MPPED2: variants seen among roughly 807,000 people sequenced by gnomAD.
MPPED2 encodes metallophosphoesterase domain containing 2, also known as metallophosphoesterase MPPED2.
Under a neutral mutation model 33.0 loss-of-function variants are expected in MPPED2, and 5 were observed. The observed-to-expected ratio is 0.15, with a 90% CI of 0.08 to 0.32. MPPED2 has a LOEUF of 0.32. Ranked by LOEUF, MPPED2 falls within the 10% of genes least tolerant of loss-of-function variation. MPPED2 has a pLI of 1.00. For missense variants in MPPED2, 275 were observed against 372.1 expected (o/e 0.74, Z 2.15); for synonymous variants, 136 against 141.9 (o/e 0.96, Z 0.29).
At chr11:30,478,379 A>C (rs1397610990) in intron 4 of MPPED2, among the ~76,000 whole-genome samples, 1 of 152,150 alleles carries the variant, frequency 6.6e-6, no homozygotes, top group East Asian at 1.9e-4. Context: ...GAAAAAAACA[A>C]AATTCAGATT....
chr11:30,465,290 G>C (rs898054128), intron 4 of MPPED2, among the ~76,000 whole-genome samples: 1 of 152,154 alleles, frequency 6.6e-6, no homozygotes, highest in Non-Finnish European at 1.5e-5. Context: ...TGGTTTTTGT[G>C]TGTTTTTTTT....
rs187379538 is a variant in MPPED2 at position 30,476,610 on chromosome 11, C to G, written c.536+18686G>C. ...TTTTCTTTGACATTGATCTATGTGTCCACCTTTCATATTACTTTGTTTTGA... is the reference window on the plus strand; with the variant it reads ...TTTTCTTTGACATTGATCTATGTGTGCACCTTTCATATTACTTTGTTTTGA... On this transcript the variant is annotated intron_variant, in intron 4 of 6. Coordinates refer to ENST00000358117, the MANE Select transcript of MPPED2 (RefSeq NM_001584.3). Among the ~76,000 whole-genome samples the G allele has an allele frequency of 6.6e-5, 10 of 152,056 alleles. No individual in the cohort carries two copies. In the East Asian group the frequency reaches 1.9e-3, roughly 29 times the overall value.
At chr11:30,480,885 T>C (rs1003834139) in intron 4 of MPPED2, among the ~76,000 whole-genome samples, 1 of 152,108 alleles carries the variant, frequency 6.6e-6, no homozygotes, top group African/African-American at 2.4e-5. Context: ...ATCACTCAGT[T>C]AGCCCACACT....
intron 4 of MPPED2, among the ~76,000 whole-genome samples, chr11:30,461,143 A>C (rs763724712): frequency 1.3e-5 from 2 of 152,228 alleles, no homozygotes; most frequent in Non-Finnish European, 2.9e-5. Context: ...ATTTCCATTT[A>C]TATGAGGCAC....
intron 2 of MPPED2, among the ~76,000 whole-genome samples, chr11:30,562,823 T>G (rs1956290860): frequency 6.6e-6 from 1 of 152,186 alleles, no homozygotes; most frequent in South Asian, 2.1e-4. Context: ...TTAAGAACCT[T>G]GATATTCTAT....
At chr11:30,466,461 T>C (rs1293775164) in intron 4 of MPPED2, among the ~76,000 whole-genome samples, 6 of 152,218 alleles carry the variant, frequency 3.9e-5, no homozygotes, top group Non-Finnish European at 2.9e-5. Context: ...AGGAGCACCC[T>C]GACATCCGGT....
chr11:30,473,408 C>T (rs1350522814), intron 4 of MPPED2, among the ~76,000 whole-genome samples: 3 of 152,080 alleles, frequency 2.0e-5, no homozygotes, highest in East Asian at 1.9e-4. Flanking sequence ...TGCCTCTGTC[C>T]GCCTCATGTA....
intron 4 of MPPED2, among the ~76,000 whole-genome samples, chr11:30,454,955 A>G (rs1950218944): frequency 6.6e-6 from 1 of 152,206 alleles, no homozygotes; most frequent in African/African-American, 2.4e-5. Flanking sequence ...AAGGTTTCCT[A>G]AATTAGAGAA....
intron 4 of MPPED2, chr11:30,451,829 G>A: frequency 1.0e-6 from 1 of 985,362 alleles, no homozygotes; most frequent in Non-Finnish European, 1.2e-6. Context: ...TGACTGACAG[G>A]CTGCGGTGGG....
In MPPED2 at chr11:30,495,334, C is replaced by G; in HGVS notation, c.498G>C (p.Glu166Asp). The change falls in exon 4 of 7, where the codon GAG becomes GAC. Residue 166 changes from glutamate to aspartate, a missense_variant. Physicochemically the swap from Glu to Asp is conservative, Grantham distance 45. Coordinates refer to ENST00000358117, the MANE Select transcript of MPPED2 (RefSeq NM_001584.3). ...LTNSIYLQDS[E>D]VTVKGFRIYG... Reference sequence around the variant, plus strand: ...ATATCCTGAATCCCTTCACTGTTACCTCCGAATCTTGTAAGTAAATACTGT... The same window carrying G: ...ATATCCTGAATCCCTTCACTGTTACGTCCGAATCTTGTAAGTAAATACTGT... The G allele has an allele frequency of 6.2e-7, 1 of 1,614,016 alleles. No homozygotes were observed. Among genetic ancestry groups the G allele is most frequent in the Middle Eastern group, 1.6e-4 (1 of 6,062 alleles).
intron 3 of MPPED2, among the ~76,000 whole-genome samples, chr11:30,530,912 T>A (rs1051042128): frequency 6.6e-6 from 1 of 152,156 alleles, no homozygotes; most frequent in Non-Finnish European, 1.5e-5. Flanking sequence ...AATGTACCTT[T>A]AGAGAATGTG....
intron 3 of MPPED2, among the ~76,000 whole-genome samples, chr11:30,518,213 T>C (rs1238009347): frequency 2.0e-5 from 3 of 152,184 alleles, no homozygotes; most frequent in Non-Finnish European, 4.4e-5. Flanking sequence ...CTGAGACACA[T>C]ACTGTCTGCT....
chr11:30,460,346 G>A (rs374243620), intron 4 of MPPED2, among the ~76,000 whole-genome samples: 24 of 152,314 alleles, frequency 1.6e-4, no homozygotes, highest in African/African-American at 5.1e-4. Flanking sequence ...CAGGCTGGGC[G>A]TGGTAGCTCA....
At chr11:30,572,756 G>A (rs1338100924) in intron 2 of MPPED2, among the ~76,000 whole-genome samples, 2 of 152,154 alleles carry the variant, frequency 1.3e-5, no homozygotes, top group Non-Finnish European at 2.9e-5. Flanking sequence ...TTTCCTCTGT[G>A]TGAGCGTTAG....
intron 4 of MPPED2, among the ~76,000 whole-genome samples, chr11:30,432,255 T>C (rs1302473409): frequency 6.6e-6 from 1 of 152,176 alleles, no homozygotes; most frequent in East Asian, 1.9e-4. Flanking sequence ...TTGTTGTGTC[T>C]TAAAGAGATG....
intron 3 of MPPED2, among the ~76,000 whole-genome samples, chr11:30,497,675 T>C (rs1952343287): frequency 6.6e-6 from 1 of 152,248 alleles, no homozygotes; most frequent in East Asian, 1.9e-4. Context: ...AGGAAGTATA[T>C]TTTCCCCCTT....
At chr11:30,417,046 A>G (rs1006447630) in intron 5 of MPPED2, among the ~76,000 whole-genome samples, 5 of 152,196 alleles carry the variant, frequency 3.3e-5, no homozygotes, top group African/African-American at 1.2e-4. Context: ...ATTCTTTTCT[A>G]AAATTATCAG....
intron 2 of MPPED2, among the ~76,000 whole-genome samples, chr11:30,541,802 G>A (rs1955136481): frequency 6.6e-6 from 1 of 152,168 alleles, no homozygotes; most frequent in Admixed American, 6.5e-5. Flanking sequence ...ATGTTGGCCA[G>A]GGTGGTCTCA....
chr11:30,393,739 A>T (rs1947807361), intron 6 of MPPED2, among the ~76,000 whole-genome samples: 1 of 152,222 alleles, frequency 6.6e-6, no homozygotes. Context: ...GTTTATCATA[A>T]GTTAGAATGG....
Sources: gnomAD v4.1 joint callset for allele counts (sites outside exome capture counted in the v4.1 genomes callset) on GRCh38, gnomAD v4.1.1 for gene constraint, MANE v1.5 for transcripts, NCBI Gene and HGNC (gene_info 2026-07-23, HGNC 2026-07-21) for gene names.